CYTH3: variants seen among roughly 807,000 people sequenced by gnomAD.
CYTH3 encodes cytohesin-3.
In CYTH3, 23 loss-of-function variants were observed where a neutral mutation model predicts 55.1. That is an observed-to-expected ratio of 0.42 (90% CI 0.30 to 0.59). CYTH3 has a LOEUF of 0.59. Among genes scored for constraint, CYTH3 ranks in the 20% least tolerant of loss-of-function variants. CYTH3 has a pLI of 0.20. For missense variants in CYTH3, 413 were observed against 524.8 expected (o/e 0.79, Z 2.08); for synonymous variants, 249 against 194.9 (o/e 1.28, Z -2.31).
chr7:6,215,520 G>T (rs1784406576), intron 1 of CYTH3, among the ~76,000 whole-genome samples: 1 of 151,388 alleles, frequency 6.6e-6, no homozygotes, highest in Non-Finnish European at 1.5e-5. Context: ...AACCCAGGAG[G>T]CGGAGCTTGC....
At chr7:6,228,154 T>TC in intron 1 of CYTH3, among the ~76,000 whole-genome samples, 1 of 152,368 alleles carries the variant, frequency 6.6e-6, no homozygotes, top group Admixed American at 6.5e-5. Flanking sequence ...TCCTTGATTC[T>TC]CTATTCCCTT....
Position 6,162,778 on chromosome 7 carries a change from T to A in CYTH3, c.*2166A>T, listed in dbSNP as rs772709481. On this transcript the variant is annotated 3_prime_UTR_variant, in exon 13 of 13. Coordinates refer to ENST00000350796, the MANE Select transcript of CYTH3 (RefSeq NM_004227.4). ...TGATCATCTGGCGACTCCTTCCTGC[T>A]GCTTCTCCCAACACCCAAAACAGAA... 1 of 152,420 alleles carries A rather than the reference T, an allele frequency of 6.6e-6. No individual in the cohort carries two copies. Among genetic ancestry groups the A allele is most frequent in the Non-Finnish European group, 1.5e-5 (1 of 68,074 alleles). 9.4% of individuals were successfully genotyped at this position (152,420 alleles called of 1,614,324 possible). A position where few individuals can be genotyped will look rare whatever the true frequency, so the allele number is the denominator to read the frequency against.
chr7:6,211,868 C>T (rs2128549379), intron 1 of CYTH3, among the ~76,000 whole-genome samples: 1 of 152,050 alleles, frequency 6.6e-6, no homozygotes, highest in South Asian at 2.1e-4. Flanking sequence ...CACTTGTCAT[C>T]CCAGCTACTC....
intron 1 of CYTH3, among the ~76,000 whole-genome samples, chr7:6,260,727 A>C (rs1017335467): frequency 6.6e-6 from 1 of 152,138 alleles, no homozygotes; most frequent in African/African-American, 2.4e-5. Flanking sequence ...CCTAGGCCTC[A>C]CTGGTTACCC....
chr7:6,225,583 C>G (rs144658151), intron 1 of CYTH3, among the ~76,000 whole-genome samples: 22 of 151,860 alleles, frequency 1.4e-4, no homozygotes, highest in African/African-American at 5.3e-4. Context: ...CTCGAACACC[C>G]GACCTCAGGT....
At chr7:6,181,298 G>A (rs778612270) in intron 4 of CYTH3, among the ~76,000 whole-genome samples, 1 of 151,948 alleles carries the variant, frequency 6.6e-6, no homozygotes, top group African/African-American at 2.4e-5. Flanking sequence ...TTCTTGTTTT[G>A]AGGTGTCACG....
intron 1 of CYTH3, among the ~76,000 whole-genome samples, chr7:6,266,313 ATTAC>A (rs1780490635): frequency 6.6e-6 from 1 of 152,164 alleles, no homozygotes; most frequent in African/African-American, 2.4e-5. Flanking sequence ...TTTCAGACCA[ATTAC>A]TTAGCTTCCC....
intron 1 of CYTH3, among the ~76,000 whole-genome samples, chr7:6,194,592 C>T (rs745608207): frequency 2.6e-5 from 4 of 152,244 alleles, no homozygotes; most frequent in Non-Finnish European, 4.4e-5. Flanking sequence ...TATGACCCAG[C>T]AATTTTACTC....
chr7:6,245,218 G>T (rs1023621980), intron 1 of CYTH3, among the ~76,000 whole-genome samples: 1 of 151,970 alleles, frequency 6.6e-6, no homozygotes, highest in African/African-American at 2.4e-5. Context: ...GTGTGCCAAA[G>T]AAAGAACTGT....
At chr7:6,243,056 A>G (rs1298029245) in intron 1 of CYTH3, among the ~76,000 whole-genome samples, 1 of 152,206 alleles carries the variant, frequency 6.6e-6, no homozygotes, top group Non-Finnish European at 1.5e-5. Context: ...ACTGTGGTCA[A>G]TAGATGCACA....
At chr7:6,220,672 C>T (rs1044042820) in intron 1 of CYTH3, among the ~76,000 whole-genome samples, 2 of 151,798 alleles carry the variant, frequency 1.3e-5, no homozygotes, top group South Asian at 2.1e-4. Flanking sequence ...TATAGCCCTC[C>T]GGAAAACAAT....
intron 1 of CYTH3, among the ~76,000 whole-genome samples, chr7:6,264,644 G>A (rs954749494): frequency 1.3e-5 from 2 of 152,004 alleles, no homozygotes; most frequent in African/African-American, 4.8e-5. Context: ...ACACCAGAGG[G>A]CCCCATATCG....
chr7:6,204,894 G>A (rs1320159418), intron 1 of CYTH3, among the ~76,000 whole-genome samples: 1 of 152,366 alleles, frequency 6.6e-6, no homozygotes, highest in East Asian at 1.9e-4. Flanking sequence ...GATGAGTGCG[G>A]TGGCTCACGC....
intron 1 of CYTH3, among the ~76,000 whole-genome samples, chr7:6,264,025 T>G (rs938152596): frequency 3.3e-5 from 5 of 151,926 alleles, no homozygotes; most frequent in Non-Finnish European, 5.9e-5. Flanking sequence ...GGCCGGCAGA[T>G]CATCTGAGGT....
At chr7:6,177,743 C>G (rs1341751162) in intron 5 of CYTH3, 80 bp downstream of exon 5, 2 of 1,135,154 alleles carry the variant, frequency 1.8e-6, no homozygotes, top group Non-Finnish European at 2.6e-6. Flanking sequence ...TGTGATGGCC[C>G]CGAAAGTGGA....
In CYTH3 at chr7:6,233,714, A is replaced by ACC. The variant is rs540492701; in HGVS notation, c.34+38758_34+38759dup. On this transcript the variant is annotated intron_variant, in intron 1 of 12. Coordinates refer to ENST00000350796, the MANE Select transcript of CYTH3 (RefSeq NM_004227.4). The stretch of plus-strand genomic sequence containing the variant: ...TCTCTTCATCTCAGTCCCAGCGTCT[A>ACC]CCCTGTTTCAGGGCCTTACCACCAG... Among the ~76,000 whole-genome samples the ACC allele has an allele frequency of 2.2e-4, 34 of 151,802 alleles. 1 individual carries two copies. In the East Asian group the frequency reaches 6.4e-3, roughly 29 times the overall value.
At chr7:6,210,650 G>A (rs1784301278) in intron 1 of CYTH3, among the ~76,000 whole-genome samples, 1 of 152,186 alleles carries the variant, frequency 6.6e-6, no homozygotes, top group Non-Finnish European at 1.5e-5. Flanking sequence ...TGCTGCTGGT[G>A]TCCCCAAAAG....
At chr7:6,215,472 C>G (rs555394864) in intron 1 of CYTH3, among the ~76,000 whole-genome samples, 1 of 151,922 alleles carries the variant, frequency 6.6e-6, no homozygotes, top group African/African-American at 2.4e-5. Flanking sequence ...CACCTGTAGT[C>G]CCAGCTAGTC....
chr7:6,235,510 A>G (rs951889308), intron 1 of CYTH3, among the ~76,000 whole-genome samples: 1 of 151,250 alleles, frequency 6.6e-6, no homozygotes, highest in African/African-American at 2.4e-5. Context: ...TGCTTGCTAG[A>G]TCATGCACCA....
Sources: allele counts gnomAD v4.1 joint callset (sites outside exome capture counted in the v4.1 genomes callset), GRCh38; gene constraint gnomAD v4.1.1; transcripts MANE v1.5; gene names NCBI Gene and HGNC (gene_info 2026-07-23, HGNC 2026-07-21).